The following GALNT14 variants were observed in gnomAD, a reference collection of about 807,000 sequenced individuals.
GALNT14 encodes UDP-GalNAc:polypeptide N-acetylgalactosaminyltransferase 14.
In GALNT14, 60 loss-of-function variants were observed where a neutral mutation model predicts 77.5. The ratio of observed to expected loss-of-function variants is 0.77; its 90% confidence interval spans 0.63 to 0.96. GALNT14 has a LOEUF of 0.96. GALNT14 is among the 40% of genes least tolerant of loss of function. The pLI, the probability that GALNT14 is intolerant of heterozygous loss-of-function variation, is 0.00. For missense variants in GALNT14, 710 were observed against 731.0 expected (o/e 0.97, Z 0.33); for synonymous variants, 280 against 281.7 (o/e 0.99, Z 0.06).
chr2:31,040,405 G>C (rs1039666473), intron 1 of GALNT14, among the ~76,000 whole-genome samples: 1 of 152,166 alleles, frequency 6.6e-6, no homozygotes, highest in Non-Finnish European at 1.5e-5. Flanking sequence ...TGAAGTGGGA[G>C]GAAACCAACT....
intron 1 of GALNT14, among the ~76,000 whole-genome samples, chr2:31,001,671 A>G (rs1476647146): frequency 6.6e-6 from 1 of 152,164 alleles, no homozygotes; most frequent in Admixed American, 6.5e-5. Flanking sequence ...ACTATAAGAC[A>G]AGACAAGTCT....
At chr2:31,064,931 A>C (rs1365997568) in intron 1 of GALNT14, among the ~76,000 whole-genome samples, 4 of 138,668 alleles carry the variant, frequency 2.9e-5, no homozygotes, top group Admixed American at 1.5e-4. Context: ...GGTAAAAAAA[A>C]CTCTTCGCAC....
In GALNT14 at chr2:30,942,324, A is replaced by G; in HGVS notation, c.828-20T>C. 2.5e-6 allele frequency: 4 copies of G among 1,581,014 alleles called. No homozygotes were observed. Among genetic ancestry groups the G allele is most frequent in the Non-Finnish European group, 3.5e-6 (4 of 1,150,424 alleles). On this transcript the variant is annotated intron_variant, in intron 8 of 14. Coordinates refer to ENST00000349752, the MANE Select transcript of GALNT14 (RefSeq NM_024572.4). Reference sequence around the variant, plus strand: ...GGAGTCCTGTGCATTTGGAAGAAAAAGAGAGGGGATCAGTTCTAGTGGGGA... The same window carrying G: ...GGAGTCCTGTGCATTTGGAAGAAAAGGAGAGGGGATCAGTTCTAGTGGGGA...
At chr2:31,021,710 C>T (rs1671730970) in intron 1 of GALNT14, among the ~76,000 whole-genome samples, 1 of 152,218 alleles carries the variant, frequency 6.6e-6, no homozygotes, top group African/African-American at 2.4e-5. Flanking sequence ...TGAGTAGTTG[C>T]AATCACTCTG....
At chr2:31,096,741 A>C (rs770779394) in intron 1 of GALNT14, among the ~76,000 whole-genome samples, 5 of 152,166 alleles carry the variant, frequency 3.3e-5, no homozygotes, top group Non-Finnish European at 5.9e-5. Context: ...ACATGCCCTA[A>C]ATGAAAACCT....
At chr2:30,966,325 C>A in intron 2 of GALNT14, 23 bp from the exon 3 acceptor site, 2 of 1,544,360 alleles carry the variant, frequency 1.3e-6, no homozygotes, top group South Asian at 1.1e-5. Context: ...AGGCACAGGG[C>A]AAGTGAGACC....
chr2:31,074,655 G>C (rs1271783092), intron 1 of GALNT14, among the ~76,000 whole-genome samples: 2 of 152,130 alleles, frequency 1.3e-5, no homozygotes, highest in African/African-American at 4.8e-5. Context: ...GGCAGTGGTA[G>C]AGTTCTAAGA....
chr2:31,050,683 G>A (rs1673796626), intron 1 of GALNT14, among the ~76,000 whole-genome samples: 1 of 152,110 alleles, frequency 6.6e-6, no homozygotes, highest in African/African-American at 2.4e-5. Flanking sequence ...GACAACGTCA[G>A]GGGGAACTGG....
rs79637568 is a variant in GALNT14, at chr2:30,977,023, G to A, written c.300-10721C>T. Among the ~76,000 whole-genome samples, 305 of 151,882 alleles carry A rather than the reference G, an allele frequency of 2.0e-3. 1 individual carries two copies. Among genetic ancestry groups the A allele is most frequent in the African/African-American group, 7.2e-3 (296 of 41,348 alleles). Reference sequence around the variant, plus strand: ...CAGTCGGTGCCCTCACGAGCTCCACGAGAATGCCCTTTGAAGATTATCCAC... The same window carrying A: ...CAGTCGGTGCCCTCACGAGCTCCACAAGAATGCCCTTTGAAGATTATCCAC... On this transcript the variant is annotated intron_variant, in intron 2 of 14. Transcript: ENST00000349752.
In GALNT14 at chr2:30,960,731, C is replaced by G. The variant is rs74487884; in HGVS notation, c.399-2267G>C. Reference sequence around the variant, plus strand: ...CCTCCAGGGCCCTCCCTCATGCACACCCACTCTCATTCCCTCCACCCTGGG... The same window carrying G: ...CCTCCAGGGCCCTCCCTCATGCACAGCCACTCTCATTCCCTCCACCCTGGG... On this transcript the variant is annotated intron_variant, in intron 3 of 14. Transcript: ENST00000349752. Among the ~76,000 whole-genome samples, 1,359 of 152,190 alleles carry G rather than the reference C, an allele frequency of 8.9e-3. 23 individuals carry two copies. The highest frequency in any genetic ancestry group is 0.031 in the African/African-American group (1,268 of 41,524).
intron 1 of GALNT14, among the ~76,000 whole-genome samples, chr2:31,085,506 G>C (rs1676383913): frequency 6.6e-6 from 1 of 152,254 alleles, no homozygotes; most frequent in Admixed American, 6.5e-5. Context: ...GGAGTAGGCA[G>C]GGAAGTCAGC....
intron 2 of GALNT14, 72 bp from the exon 3 acceptor site, chr2:30,966,374 G>T: frequency 2.7e-6 from 3 of 1,104,470 alleles, no homozygotes; most frequent in Non-Finnish European, 4.1e-6. Context: ...AGAACCGAGG[G>T]CATCTGGGTG....
At chr2:31,120,327 G>A (rs927079249) in intron 1 of GALNT14, among the ~76,000 whole-genome samples, 11 of 152,086 alleles carry the variant, frequency 7.2e-5, no homozygotes, top group Non-Finnish European at 1.6e-4. Flanking sequence ...TTTACAAACT[G>A]GTTACACAAT....
chr2:31,011,494 A>T (rs1558490908), intron 1 of GALNT14, among the ~76,000 whole-genome samples: 1 of 152,108 alleles, frequency 6.6e-6, no homozygotes, highest in African/African-American at 2.4e-5. Context: ...ATTTGAGGAG[A>T]CAGGGCCCTA....
intron 1 of GALNT14, among the ~76,000 whole-genome samples, chr2:31,092,474 C>A (rs577240949): frequency 1.4e-4 from 22 of 152,136 alleles, no homozygotes; most frequent in African/African-American, 5.1e-4. Flanking sequence ...CAATCTACAG[C>A]AGAGGGATAT....
intron 1 of GALNT14, among the ~76,000 whole-genome samples, chr2:31,082,646 G>C (rs1284582205): frequency 6.6e-6 from 1 of 152,196 alleles, no homozygotes; most frequent in African/African-American, 2.4e-5. Flanking sequence ...TAAGTGTGTG[G>C]CATAAGTCTT....
At chr2:31,039,357 A>C (rs1208574852) in intron 1 of GALNT14, among the ~76,000 whole-genome samples, 2 of 152,204 alleles carry the variant, frequency 1.3e-5, no homozygotes, top group African/African-American at 4.8e-5. Context: ...GTTTGCAGAG[A>C]ACCTTTTTAG....
intron 9 of GALNT14, among the ~76,000 whole-genome samples, chr2:30,940,724 AG>A (rs760609148): frequency 6.6e-6 from 1 of 152,130 alleles, no homozygotes; most frequent in Non-Finnish European, 1.5e-5. Context: ...AGAACACCAA[AG>A]GTCCACCTGC....
intron 1 of GALNT14, among the ~76,000 whole-genome samples, chr2:30,996,908 A>T (rs1223832368): frequency 1.3e-5 from 2 of 152,224 alleles, no homozygotes; most frequent in African/African-American, 4.8e-5. Flanking sequence ...CTACATCAAT[A>T]TCTGAATGTA....
Sources: gnomAD v4.1 joint callset for allele counts (sites outside exome capture counted in the v4.1 genomes callset) on GRCh38, gnomAD v4.1.1 for gene constraint, MANE v1.5 for transcripts, NCBI Gene and HGNC (gene_info 2026-07-23, HGNC 2026-07-21) for gene names.